Variants in RBM26 observed in about 807,000 individuals in gnomAD.
RBM26 encodes the protein RNA binding motif protein 26.
Under a neutral mutation model 123.6 loss-of-function variants are expected in RBM26, and 30 were observed. That is an observed-to-expected ratio of 0.24 (90% CI 0.18 to 0.33). The LOEUF is 0.33. RBM26 is among the 10% of genes least tolerant of loss of function. RBM26 has a pLI of 1.00. For missense variants in RBM26, 947 were observed against 1,203.6 expected, an observed-to-expected ratio of 0.79 and a Z score of 3.15; for synonymous variants, 400 against 404.4, an observed-to-expected ratio of 0.99 and a Z score of 0.13.
intron 16 of RBM26, among the ~76,000 whole-genome samples, chr13:79,344,023 CTGAA>C (rs2071873370): frequency 6.6e-6 from 1 of 151,988 alleles, no homozygotes; most frequent in African/African-American, 2.4e-5. Flanking sequence ...AGCAACACAA[CTGAA>C]TGAACACCTT....
intron 18 of RBM26, among the ~76,000 whole-genome samples, chr13:79,338,086 C>G (rs972344293): frequency 6.6e-6 from 1 of 152,066 alleles, no homozygotes; most frequent in African/African-American, 2.4e-5. Flanking sequence ...AGGCGTAGTG[C>G]CTGTAGTCCC....
At chr13:79,356,385 CAAACAAAAAA>C (rs2074012140) in intron 11 of RBM26, among the ~76,000 whole-genome samples, 8 of 12,394 alleles carry the variant, frequency 6.5e-4, no homozygotes, top group African/African-American at 1.0e-3. Flanking sequence ...AAAAAAAAAA[CAAACAAAAAA>C]AAACAAAAAA....
chr13:79,362,010 G>A lies in RBM26; in HGVS notation c.1418-2324C>T, dbSNP rs112119617. Among the ~76,000 whole-genome samples, 7 of 152,166 alleles carry A rather than the reference G, an allele frequency of 4.6e-5. 2 individuals are homozygous for A. The highest frequency in any genetic ancestry group is 1.7e-4 in the African/African-American group (7 of 41,520). Reference sequence around the variant, plus strand: ...CCCTTTACCTCCCACTGGTACTAATGGGACAGAAGAAAAGATTAAGGACCA... The same window carrying A: ...CCCTTTACCTCCCACTGGTACTAATAGGACAGAAGAAAAGATTAAGGACCA... On this transcript the variant is annotated intron_variant, in intron 9 of 21. Transcript: ENST00000438737.
chr13:79,333,799 A>G (rs959189215), intron 20 of RBM26, among the ~76,000 whole-genome samples: 4 of 152,208 alleles, frequency 2.6e-5, no homozygotes, highest in African/African-American at 4.8e-5. Flanking sequence ...AGGTAACTTT[A>G]CTAAGAGTAC....
At chr13:79,353,326 AG>A (rs2073528785) in intron 13 of RBM26, 102 bp from the exon 14 acceptor site, 1 of 603,736 alleles carries the variant, frequency 1.7e-6, no homozygotes, top group Non-Finnish European at 2.8e-6. Flanking sequence ...AGAGTCTATG[AG>A]TATACCAATA....
intron 3 of RBM26, among the ~76,000 whole-genome samples, chr13:79,373,402 ATT>A (rs1458655608): frequency 1.4e-5 from 1 of 70,046 alleles, no homozygotes; most frequent in African/African-American, 6.0e-5. Context: ...TATAATATAT[ATT>A]ATATACTATA....
chr13:79,386,867 A>C (rs563614230), intron 1 of RBM26, among the ~76,000 whole-genome samples: 1 of 152,274 alleles, frequency 6.6e-6, no homozygotes, highest in African/African-American at 2.4e-5. Context: ...ATTATCCAAA[A>C]GAAATAGCAC....
chr13:79,379,371 CAAAAAAAAAAAA>C (rs1160901778), intron 1 of RBM26, among the ~76,000 whole-genome samples: 1 of 79,468 alleles, frequency 1.3e-5, no homozygotes, highest in Non-Finnish European at 2.4e-5. Context: ...CAGTCTCTAC[CAAAAAAAAAAAA>C]AAAAAAAAAA....
At chr13:79,325,159 A>G (rs896576688) in intron 20 of RBM26, among the ~76,000 whole-genome samples, 5 of 152,180 alleles carry the variant, frequency 3.3e-5, no homozygotes, top group Admixed American at 2.0e-4. Flanking sequence ...TATGTACAGC[A>G]TAATACTTGA....
chr13:79,371,535 T>A (rs962582308), intron 4 of RBM26, among the ~76,000 whole-genome samples: 3 of 151,876 alleles, frequency 2.0e-5, no homozygotes, highest in African/African-American at 7.3e-5. Flanking sequence ...AGAAAAACAA[T>A]TTAATCACAC....
At chr13:79,366,990 A>T in intron 6 of RBM26, 118 bp from the exon 7 acceptor site, 1 of 821,232 alleles carries the variant, frequency 1.2e-6, no homozygotes, top group East Asian at 2.9e-5. Flanking sequence ...GGACAAAAGT[A>T]TAATTAACCA....
intron 1 of RBM26, among the ~76,000 whole-genome samples, chr13:79,387,707 A>G (rs532488649): frequency 1.4e-4 from 21 of 152,328 alleles, no homozygotes; most frequent in African/African-American, 5.1e-4. Context: ...ATAATTTAGT[A>G]CATAGCATTA....
intron 1 of RBM26, among the ~76,000 whole-genome samples, chr13:79,399,755 C>T (rs2078903409): frequency 6.6e-6 from 1 of 152,002 alleles, no homozygotes; most frequent in African/African-American, 2.4e-5. Flanking sequence ...GAGCCCCCTA[C>T]TAAGCAATGT....
At position 79,359,542 on chromosome 13, in the gene RBM26, A is replaced by T. The variant is rs781190982; in HGVS notation, c.1529+33T>A. On this transcript the variant is annotated intron_variant, in intron 10 of 21. Transcript: ENST00000438737. ...GAAATGATCCTGAAAATCAATGCACAATTATACTCCTCAATTTTCCTGGCC... is the reference window on the plus strand; with the variant it reads ...GAAATGATCCTGAAAATCAATGCACTATTATACTCCTCAATTTTCCTGGCC... 1.2e-5 allele frequency: 12 copies of T among 977,236 alleles called. No homozygotes were observed. In the South Asian group the frequency reaches 1.7e-4, roughly 14 times the overall value. 60.5% of individuals were successfully genotyped at this position (977,236 alleles called of 1,614,324 possible).
chr13:79,372,855 AAAT>A lies in RBM26; in HGVS notation c.328-928_328-926del, dbSNP rs1229623380. 8.3e-3 allele frequency among the ~76,000 whole-genome samples: 571 copies of A among 68,750 alleles called. 51 individuals carry two copies. Among genetic ancestry groups the A allele is most frequent in the African/African-American group, 0.053 (456 of 8,584 alleles). 45.1% of individuals were successfully genotyped at this position (68,750 alleles called of 152,430 possible). Reference sequence around the variant, plus strand: ...TATATAAATATATTATATATTATATAAATATAAATATATTTATAATATTTTATA... The same window carrying A: ...TATATAAATATATTATATATTATATAATAAATATATTTATAATATTTTATA... On this transcript the variant is annotated intron_variant, in intron 3 of 21. Transcript: ENST00000438737.
intron 3 of RBM26, among the ~76,000 whole-genome samples, chr13:79,373,362 AATATATAATATATATTATATATAAAT>A (rs1174143860): frequency 7.7e-5 from 8 of 103,900 alleles, no homozygotes; most frequent in Admixed American, 4.3e-4. Context: ...AAAATATATA[AATATATAATATATATTATATATAAAT>A]ATATATAATA....
At chr13:79,323,218 A>C (rs1233252240) in intron 20 of RBM26, among the ~76,000 whole-genome samples, 2 of 141,874 alleles carry the variant, frequency 1.4e-5, no homozygotes, top group East Asian at 4.0e-4. Flanking sequence ...GAACTAAGGT[A>C]AATCAGTGTT....
rs1332521760 is a variant in RBM26, at chr13:79,319,924, T to C, written c.*697A>G. On this transcript the variant is annotated 3_prime_UTR_variant, in exon 22 of 22. Coordinates refer to ENST00000438737, the MANE Select transcript of RBM26 (RefSeq NM_001366735.2). ...TTTTCTTTTTTCTTTTCTTTTTTTT[T>C]TTAAATCAAGGAACATTGTCTTGGC... 2 of 897,812 alleles carry C rather than the reference T, an allele frequency of 2.2e-6. No homozygotes were observed. The highest frequency in any genetic ancestry group is 1.8e-5 in the African/African-American group (1 of 54,154). 55.6% of individuals were successfully genotyped at this position (897,812 alleles called of 1,614,324 possible). A position where few individuals can be genotyped will look rare whatever the true frequency, so the allele number is the denominator to read the frequency against.
intron 17 of RBM26, among the ~76,000 whole-genome samples, chr13:79,341,950 G>A (rs969252003): frequency 6.6e-6 from 1 of 151,822 alleles, no homozygotes; most frequent in Non-Finnish European, 1.5e-5. Flanking sequence ...TGTAAAGAAC[G>A]TAAATACATT....
Sources: allele counts gnomAD v4.1 joint callset (sites outside exome capture counted in the v4.1 genomes callset), GRCh38; gene constraint gnomAD v4.1.1; transcripts MANE v1.5; gene names NCBI Gene and HGNC (gene_info 2026-07-23, HGNC 2026-07-21).